The following ZC3H7B variants were observed in gnomAD, a reference collection of about 807,000 sequenced individuals.
ZC3H7B encodes zinc finger CCCH domain-containing protein 7B.
Under a neutral mutation model 116.0 loss-of-function variants are expected in ZC3H7B, and 35 were observed. The ratio of observed to expected loss-of-function variants is 0.30; its 90% confidence interval spans 0.23 to 0.40. The LOEUF (loss-of-function observed/expected upper bound fraction) is 0.40. ZC3H7B is among the 10% of genes least tolerant of loss of function. The pLI, the probability that ZC3H7B is intolerant of heterozygous loss-of-function variation, is 1.00. For missense variants in ZC3H7B, 1,011 were observed against 1,321.5 expected, an observed-to-expected ratio of 0.77 and a Z score of 3.64; for synonymous variants, 502 against 545.6, an observed-to-expected ratio of 0.92 and a Z score of 1.11.
chr22:41,317,732 C>G (rs2036202251), intron 1 of ZC3H7B, among the ~76,000 whole-genome samples: 1 of 151,944 alleles, frequency 6.6e-6, no homozygotes, highest in South Asian at 2.1e-4. Flanking sequence ...TGCAGTGAGC[C>G]AAGATCACAC....
Position 41,339,858 on chromosome 22 carries a change from G to C in ZC3H7B, c.859G>C (p.Glu287Gln). The change falls in exon 10 of 23, where the codon GAG becomes CAG. Residue 287 changes from glutamate to glutamine, a missense_variant. Physicochemically the swap from Glu to Gln is conservative, Grantham distance 29 (BLOSUM62 2). Coordinates refer to ENST00000352645, the MANE Select transcript of ZC3H7B (RefSeq NM_017590.6). ...CCTGTCTGGCAGCGGCGTGCCTAGT[G>C]AGTTGCCCCAGCTGATACCCGTGTT... ...GGLSGSGVPS[E>Q]LPQLIPVFPG... 6.2e-7 allele frequency: 1 copy of C among 1,612,236 alleles called. No individual in the cohort carries two copies. The highest frequency in any genetic ancestry group is 8.5e-7 in the Non-Finnish European group (1 of 1,178,960).
rs531211433 is a variant in ZC3H7B at position 41,356,487 on chromosome 22, C to T, written c.2517+11C>T. The T allele has an allele frequency of 7.4e-6, 12 of 1,613,852 alleles. No individual in the cohort carries two copies. The highest frequency in any genetic ancestry group is 2.2e-5 in the East Asian group (1 of 44,890). The stretch of plus-strand genomic sequence containing the variant: ...TACGCGGACATCATGGTAACGCCTC[C>T]GCCCTGCATGCTCGGGGCTGCGGTC... On this transcript the variant is annotated intron_variant, in intron 21 of 22. Transcript: ENST00000352645.
chr22:41,356,138 C>T, intron 20 of ZC3H7B, 76 bp downstream of exon 20: 1 of 1,460,902 alleles, frequency 6.8e-7, no homozygotes, highest in Non-Finnish European at 9.2e-7. Context: ...CACCAGCGGG[C>T]CCAAGAGCGT....
chr22:41,330,510 G>A (rs1432562181), intron 6 of ZC3H7B, among the ~76,000 whole-genome samples: 3 of 152,258 alleles, frequency 2.0e-5, no homozygotes, highest in Non-Finnish European at 4.4e-5. Flanking sequence ...CCAGGAGGCT[G>A]CACAAGGGAA....
At chr22:41,304,608 C>T (rs2036016486) in intron 1 of ZC3H7B, among the ~76,000 whole-genome samples, 1 of 152,132 alleles carries the variant, frequency 6.6e-6, no homozygotes, top group African/African-American at 2.4e-5. Context: ...CAGCTCAAGG[C>T]TACCTGGAAA....
intron 17 of ZC3H7B, among the ~76,000 whole-genome samples, chr22:41,353,609 A>G (rs1195884865): frequency 6.6e-6 from 1 of 152,302 alleles, no homozygotes; most frequent in Admixed American, 6.5e-5. Context: ...TGACCCTTTC[A>G]TCCACATGAG....
At chr22:41,348,978 T>G (rs2036623139) in intron 15 of ZC3H7B, 142 bp from the exon 16 acceptor site, 1 of 917,452 alleles carries the variant, frequency 1.1e-6, no homozygotes, top group South Asian at 1.7e-5. Flanking sequence ...TCTGCCCTCC[T>G]GTGTCATCCA....
intron 1 of ZC3H7B, among the ~76,000 whole-genome samples, chr22:41,319,724 T>C (rs1490520612): frequency 6.6e-6 from 1 of 152,062 alleles, no homozygotes; most frequent in Non-Finnish European, 1.5e-5. Flanking sequence ...CTAGAACATA[T>C]GCTCTAAAAG....
intron 14 of ZC3H7B, among the ~76,000 whole-genome samples, chr22:41,347,520 G>C (rs2036602378): frequency 6.6e-6 from 1 of 152,184 alleles, no homozygotes; most frequent in Non-Finnish European, 1.5e-5. Flanking sequence ...GAGTGAACTT[G>C]GCCCCTGTCT....
chr22:41,340,605 G>C (rs2036509895), intron 10 of ZC3H7B, among the ~76,000 whole-genome samples: 1 of 152,182 alleles, frequency 6.6e-6, no homozygotes, highest in Admixed American at 6.5e-5. Context: ...ACTCGACTGA[G>C]AGGGCTTAAC....
intron 1 of ZC3H7B, among the ~76,000 whole-genome samples, chr22:41,318,163 C>T (rs143053826): frequency 1.3e-5 from 2 of 152,066 alleles, no homozygotes; most frequent in East Asian, 1.9e-4. Flanking sequence ...GGGTGACACA[C>T]GTGGCTCATG....
intron 14 of ZC3H7B, 92 bp from the exon 15 acceptor site, chr22:41,347,975 A>G (rs2036608899): frequency 9.1e-7 from 1 of 1,103,788 alleles, no homozygotes; most frequent in Admixed American, 1.7e-5. Context: ...GCAGGGACCC[A>G]GCTGTCCTTC....
rs142283936 is a variant in ZC3H7B at position 41,318,776 on chromosome 22, T to C, written c.-6-1879T>C. Among the ~76,000 whole-genome samples the C allele has an allele frequency of 3.5e-4, 53 of 152,148 alleles. No homozygotes were observed. The East Asian group carries it at 7.7e-3, about 22-fold the overall frequency. The stretch of plus-strand genomic sequence containing the variant: ...TCTACATGTGGTCTTCCTGCTAATC[T>C]CTCTGACCTTCCTATTCACCACCCT... On this transcript the variant is annotated intron_variant, in intron 1 of 22. Transcript: ENST00000352645.
chr22:41,349,196 G>C lies in ZC3H7B; in HGVS notation c.1843G>C (p.Asp615His), dbSNP rs1251200154. The change falls in exon 16 of 23, where the codon GAC (aspartate) becomes CAC (histidine). Residue 615 changes from aspartate (D) to histidine (H), a missense_variant. Physicochemically the swap from Asp to His is moderately conservative, Grantham distance 81. Around this residue, in one of 5 missense-constraint regions of ZC3H7B, gnomAD observed 406 missense variants for 590.2 expected, o/e 0.69. Coordinates refer to ENST00000352645, the MANE Select transcript of ZC3H7B (RefSeq NM_017590.6). The surrounding 1 kb of genome is among the most constrained non-coding windows in gnomAD (Gnocchi z 4.9). ...CCAGTTCCAGGAGCACTTCCAGTTC[G>C]ACGTGTGCCGCCATGAGGTGCGCTA... ...IRQFQEHFQF[D>H]VCRHEVRYGC... The C allele has an allele frequency of 1.2e-6, 2 of 1,613,806 alleles. No individual in the cohort carries two copies. Among genetic ancestry groups the C allele is most frequent in the South Asian group, 1.1e-5 (1 of 91,086 alleles).
At position 41,356,786 on chromosome 22, in the gene ZC3H7B, G is replaced by A. The variant is rs771880487; in HGVS notation, c.2659G>A (p.Gly887Ser). 2 of 1,613,468 alleles carry A rather than the reference G, an allele frequency of 1.2e-6. No homozygotes were observed. The highest frequency in any genetic ancestry group is 1.7e-5 in the Admixed American group (1 of 60,030). The change falls in exon 22 of 23, where the codon GGC becomes AGC. Residue 887 changes from glycine (G) to serine (S), a missense_variant. Physicochemically the swap from Gly to Ser is moderately conservative, Grantham distance 56 (BLOSUM62 0). Transcript: ENST00000352645. ...ASGWAFRFPM[G>S]EFRLCDRLQK... ...CGGCTGGGCCTTCCGCTTCCCCATG[G>A]GCGAGTTCCGGCTCTGCGACAGGTG...
At chr22:41,343,655 A>G in intron 13 of ZC3H7B, 79 bp downstream of exon 13, 2 of 1,455,508 alleles carry the variant, frequency 1.4e-6, no homozygotes, top group Non-Finnish European at 9.1e-7. Context: ...ACTCCCCATC[A>G]CAGGTAGACA....
At chr22:41,325,420 A>G (rs1047771743) in intron 2 of ZC3H7B, 144 bp from the exon 3 acceptor site, 31 of 1,085,382 alleles carry the variant, frequency 2.9e-5, no homozygotes, top group South Asian at 1.0e-4. Flanking sequence ...CTGCATGGCA[A>G]TGATTTAGGA....
chr22:41,306,629 CAA>C (rs1246065868), intron 1 of ZC3H7B, among the ~76,000 whole-genome samples: 2 of 152,182 alleles, frequency 1.3e-5, no homozygotes, highest in Non-Finnish European at 2.9e-5. Context: ...CTGGGCCTCT[CAA>C]AGTGCTGGGA....
chr22:41,332,027 C>T (rs989908442), intron 6 of ZC3H7B, 144 bp from the exon 7 acceptor site: 36 of 809,686 alleles, frequency 4.4e-5, no homozygotes, highest in South Asian at 8.2e-5. Context: ...AGTTGATTTC[C>T]GGCAGGCCTG....
Sources: gnomAD v4.1 joint callset for allele counts (sites outside exome capture counted in the v4.1 genomes callset) on GRCh38, gnomAD v4.1.1 for gene constraint, gnomAD v4.1.1 regional missense constraint, Gnocchi (gnomAD v3.1) non-coding constraint, MANE v1.5 for transcripts, NCBI Gene and HGNC (gene_info 2026-07-23, HGNC 2026-07-21) for gene names.